ZNF131: variants seen among roughly 807,000 people sequenced by gnomAD.
ZNF131 encodes zinc finger and BTB domain containing 35.
A neutral mutation model predicts 60.0 loss-of-function variants in ZNF131; 7 were observed. The observed-to-expected ratio is 0.12, with a 90% confidence interval of 0.07 to 0.22. The LOEUF is 0.22. Among genes scored for constraint, ZNF131 ranks in the 10% least tolerant of loss-of-function variants. The probability of loss-of-function intolerance (pLI) is 1.00; values close to 1 mark genes in which losing one functional copy is unlikely to be tolerated. For synonymous variants in ZNF131, 257 were observed against 253.2 expected (o/e 1.01, Z -0.14); for missense variants, 493 against 740.9 (o/e 0.67, Z 3.88).
chr5:43,166,293 C>T (rs1185044494), intron 5 of ZNF131, among the ~76,000 whole-genome samples: 3 of 152,056 alleles, frequency 2.0e-5, no homozygotes, highest in Non-Finnish European at 4.4e-5. Flanking sequence ...CCTGTCTCGA[C>T]TTTTGATATG....
chr5:43,121,736 T>G (rs1419039336), intron 1 of ZNF131: 5 of 187,112 alleles, frequency 2.7e-5, no homozygotes, highest in Non-Finnish European at 5.5e-5. Flanking sequence ...GGCTGTCGAG[T>G]CCCCTCCCTT....
intron 4 of ZNF131, among the ~76,000 whole-genome samples, chr5:43,153,137 T>C (rs1163689301): frequency 6.6e-6 from 1 of 152,094 alleles, no homozygotes; most frequent in Non-Finnish European, 1.5e-5. Context: ...TATAAGTGAG[T>C]GTACTTGGCA....
chr5:43,144,627 C>A (rs1195737899), intron 4 of ZNF131, among the ~76,000 whole-genome samples: 1 of 152,086 alleles, frequency 6.6e-6, no homozygotes, highest in Non-Finnish European at 1.5e-5. Flanking sequence ...TGTAATGCCA[C>A]CACAGTAGTT....
intron 5 of ZNF131, among the ~76,000 whole-genome samples, chr5:43,163,358 C>T (rs1211020997): frequency 1.3e-5 from 2 of 152,182 alleles, no homozygotes; most frequent in East Asian, 3.8e-4. Context: ...CATCTCTCTC[C>T]ACCTTTTCAA....
At chr5:43,130,264 C>CAAACAAAAA (rs1745146249) in intron 3 of ZNF131, among the ~76,000 whole-genome samples, 1 of 68,406 alleles carries the variant, frequency 1.5e-5, no homozygotes, top group Non-Finnish European at 2.7e-5. Flanking sequence ...ACTCTGTCTC[C>CAAACAAAAA]AAAAAAAAAA....
At chr5:43,123,635 C>G (rs1171061661) in intron 3 of ZNF131, 2 of 202,978 alleles carry the variant, frequency 9.9e-6, no homozygotes, top group African/African-American at 4.7e-5. Context: ...GAATTACTAT[C>G]TTTGTTCAGT....
At chr5:43,138,851 T>A (rs1746455597) in intron 3 of ZNF131, among the ~76,000 whole-genome samples, 1 of 152,208 alleles carries the variant, frequency 6.6e-6, no homozygotes, top group African/African-American at 2.4e-5. Flanking sequence ...GGAGCTGAGT[T>A]GGCACAGCTG....
intron 4 of ZNF131, among the ~76,000 whole-genome samples, chr5:43,160,195 AAAAAC>A (rs1245379608): frequency 2.2e-3 from 327 of 150,130 alleles, no homozygotes; most frequent in Non-Finnish European, 4.0e-3. Context: ...AAACAAAAAA[AAAAAC>A]AAAAAAAGAA....
At chr5:43,121,726 G>T in intron 1 of ZNF131, 1 of 172,852 alleles carries the variant, frequency 5.8e-6, no homozygotes, top group Non-Finnish European at 1.2e-5. Context: ...GGACCGCCAC[G>T]GCTGTCGAGT....
chr5:43,127,227 C>T (rs1408206097), intron 3 of ZNF131, among the ~76,000 whole-genome samples: 1 of 152,114 alleles, frequency 6.6e-6, no homozygotes, highest in South Asian at 2.1e-4. Context: ...TAGCATGGCA[C>T]ATTAGGTGGG....
intron 3 of ZNF131, among the ~76,000 whole-genome samples, chr5:43,130,092 C>T (rs1458844245): frequency 1.3e-5 from 2 of 150,992 alleles, no homozygotes; most frequent in Non-Finnish European, 3.0e-5. Context: ...ACGGTGAAAC[C>T]GTCTCTACTG....
chr5:43,125,742 T>C (rs1237011073), intron 3 of ZNF131, among the ~76,000 whole-genome samples: 1 of 151,602 alleles, frequency 6.6e-6, no homozygotes, highest in Non-Finnish European at 1.5e-5. Context: ...GTCACGCCAT[T>C]GCACTCCAGC....
At chr5:43,158,215 G>A (rs770272339) in intron 4 of ZNF131, among the ~76,000 whole-genome samples, 1 of 152,192 alleles carries the variant, frequency 6.6e-6, no homozygotes, top group Non-Finnish European at 1.5e-5. Flanking sequence ...TGATCCGCCT[G>A]CCTTGGCCTC....
At chr5:43,144,817 A>G (rs1399951414) in intron 4 of ZNF131, among the ~76,000 whole-genome samples, 1 of 151,796 alleles carries the variant, frequency 6.6e-6, no homozygotes, top group Non-Finnish European at 1.5e-5. Flanking sequence ...TAATAACATG[A>G]TTATGCATAT....
At chr5:43,130,804 G>T (rs1745245253) in intron 3 of ZNF131, among the ~76,000 whole-genome samples, 1 of 152,006 alleles carries the variant, frequency 6.6e-6, no homozygotes, top group Non-Finnish European at 1.5e-5. Flanking sequence ...GATCTCAGAT[G>T]ATCCACCTGC....
chr5:43,136,476 C>CTTTT lies in ZNF131; in HGVS notation c.227-2662_227-2659dup, dbSNP rs70991484. ...AAAGAACAAAGCTAGAGGCATCATA[C>CTTTT]TTTTTTTTTTTTTTTTTTTTTTTTT... On this transcript the variant is annotated intron_variant, in intron 3 of 6. Coordinates refer to ENST00000682664, the MANE Select transcript of ZNF131 (RefSeq NM_001330707.2). 4.9e-3 allele frequency among the ~76,000 whole-genome samples: 345 copies of CTTTT among 70,030 alleles called. 55 individuals carry two copies. Among genetic ancestry groups the CTTTT allele is most frequent in the Non-Finnish European group, 6.7e-3 (253 of 37,706 alleles). The allele number at this position is 70,030 out of a possible 152,430, so 45.9% of individuals were successfully genotyped here.
intron 3 of ZNF131, chr5:43,124,182 A>C (rs758423076): frequency 6.6e-6 from 1 of 152,224 alleles, no homozygotes; most frequent in Non-Finnish European, 1.5e-5. Context: ...TTACTTGCCC[A>C]GGGTTGTCCA....
chr5:43,141,829 C>G (rs944594510), intron 4 of ZNF131, among the ~76,000 whole-genome samples: 1 of 151,080 alleles, frequency 6.6e-6, no homozygotes, highest in African/African-American at 2.4e-5. Flanking sequence ...TCAGTATAAA[C>G]ACAGTAACAT....
chr5:43,137,738 C>T (rs1164380450), intron 3 of ZNF131, among the ~76,000 whole-genome samples: 1 of 152,130 alleles, frequency 6.6e-6, no homozygotes, highest in African/African-American at 2.4e-5. Context: ...GAACATTTAT[C>T]CAAAAGAACT....
Sources: gnomAD v4.1 joint callset for allele counts (sites outside exome capture counted in the v4.1 genomes callset) on GRCh38, gnomAD v4.1.1 for gene constraint, MANE v1.5 for transcripts, NCBI Gene and HGNC (gene_info 2026-07-23, HGNC 2026-07-21) for gene names.